Variants in RAB3IP observed in about 807,000 individuals in gnomAD.
The protein encoded by RAB3IP is rab-3A-interacting protein.
A neutral mutation model predicts 59.1 loss-of-function variants in RAB3IP; 36 were observed. The ratio of observed to expected loss-of-function variants is 0.61; its 90% CI spans 0.47 to 0.80. The LOEUF is 0.80. Ranked by LOEUF, RAB3IP falls within the 30% of genes least tolerant of loss-of-function variation. RAB3IP has a pLI of 0.00. For missense variants in RAB3IP, 511 were observed against 536.0 expected, an observed-to-expected ratio of 0.95 and a Z score of 0.46; for synonymous variants, 207 against 191.2, an observed-to-expected ratio of 1.08 and a Z score of -0.68.
Position 69,755,536 on chromosome 12 carries a change from C to G in RAB3IP, c.128C>G (p.Pro43Arg), listed in dbSNP as rs1171464122. ...QTTSPSVIYR[P>R]HPSALSSVPI... is the part of the protein sequence containing the mutation. ...ACCTCACCAAGTGTCATCTACCGGC[C>G]ACACCCTTCAGCTTTATCCTCTGTA... Residue 43 changes from proline (P) to arginine (R), a missense_variant, in exon 2 of 11, where the codon CCA becomes CGA. Pro to Arg is a moderately radical substitution (Grantham distance 103). Transcript: ENST00000247833. The G allele has an allele frequency of 6.2e-7, 1 of 1,614,070 alleles. No individual in the cohort carries two copies. The highest frequency in any genetic ancestry group is 8.5e-7 in the Non-Finnish European group (1 of 1,180,006).
intron 1 of RAB3IP, among the ~76,000 whole-genome samples, chr12:69,742,701 A>G (rs1887465572): frequency 1.3e-5 from 2 of 152,232 alleles, no homozygotes; most frequent in Admixed American, 6.5e-5. Context: ...TGAAATGAAC[A>G]TTGAGAAATG....
chr12:69,756,300 T>C (rs970311300), intron 2 of RAB3IP, 105 bp from the exon 3 acceptor site: 84 of 1,163,636 alleles, frequency 7.2e-5, no homozygotes, highest in African/African-American at 1.7e-4. Flanking sequence ...TATTTAAATA[T>C]AGAAGCTACC....
chr12:69,814,809 C>A (rs1040967700), intron 10 of RAB3IP, among the ~76,000 whole-genome samples: 1 of 152,122 alleles, frequency 6.6e-6, no homozygotes, highest in African/African-American at 2.4e-5. Context: ...TGGGAACTTA[C>A]AAAAGTATAG....
At chr12:69,771,527 CAAA>C (rs34718968) in intron 3 of RAB3IP, among the ~76,000 whole-genome samples, 2 of 135,442 alleles carry the variant, frequency 1.5e-5, no homozygotes, top group Non-Finnish European at 3.2e-5. Flanking sequence ...ACCCTGTCTC[CAAA>C]AAAAAAAAAA....
chr12:69,790,408 T>A lies in RAB3IP; in HGVS notation c.607-4029T>A, dbSNP rs564963664. Among the ~76,000 whole-genome samples, 8 of 151,956 alleles carry A rather than the reference T, an allele frequency of 5.3e-5. No individual in the cohort carries two copies. In the South Asian group the frequency reaches 1.7e-3, roughly 32 times the overall value. On this transcript the variant is annotated intron_variant, in intron 4 of 10. Coordinates refer to ENST00000247833, the MANE Select transcript of RAB3IP (RefSeq NM_022456.5). ...ATTATAATACAGTTAATGAAGGGAA[T>A]TAAGACACAGATGGAAAGAGATTTG...
At chr12:69,748,211 T>G (rs935532240) in intron 1 of RAB3IP, among the ~76,000 whole-genome samples, 1 of 152,134 alleles carries the variant, frequency 6.6e-6, no homozygotes, top group African/African-American at 2.4e-5. Flanking sequence ...GTTGCTAGAT[T>G]TCATTTAAAA....
intron 8 of RAB3IP, among the ~76,000 whole-genome samples, chr12:69,809,909 T>G (rs1880137119): frequency 6.6e-6 from 1 of 152,244 alleles, no homozygotes; most frequent in East Asian, 1.9e-4. Flanking sequence ...GTCAAAGTCA[T>G]TCTCCATCCA....
At chr12:69,745,240 C>A (rs1411454430) in intron 1 of RAB3IP, among the ~76,000 whole-genome samples, 1 of 152,122 alleles carries the variant, frequency 6.6e-6, no homozygotes, top group African/African-American at 2.4e-5. Flanking sequence ...CAGTTAACTG[C>A]AGTACTTTTA....
At position 69,820,028 on chromosome 12, in the gene RAB3IP, C is replaced by A. The variant is rs530279162; in HGVS notation, c.*4582C>A. ...TTACTCCCATCGCCACCACAAGAAT[C>A]CTGTGTGTTTTTGTTTTGTGCATCC... is the stretch of plus-strand genomic sequence containing the variant. On this transcript the variant is annotated 3_prime_UTR_variant, in exon 11 of 11. Transcript: ENST00000247833. The A allele has an allele frequency of 6.6e-6, 1 of 152,216 alleles. No homozygotes were observed. Among genetic ancestry groups the A allele is most frequent in the Non-Finnish European group, 1.5e-5 (1 of 68,042 alleles). The allele number at this position is 152,216 out of a possible 1,614,324, so 9.4% of individuals were successfully genotyped here.
intron 6 of RAB3IP, among the ~76,000 whole-genome samples, chr12:69,796,873 A>C (rs566650992): frequency 1.1e-4 from 17 of 152,342 alleles, no homozygotes; most frequent in African/African-American, 4.1e-4. Context: ...ACAAAATTAT[A>C]AGTGTCTTCT....
At position 69,819,995 on chromosome 12, in the gene RAB3IP, G is replaced by C. The variant is rs10732755; in HGVS notation, c.*4549G>C. 0.99 allele frequency: 151,071 copies of C among 152,356 alleles called. 74,912 individuals are homozygous for C. The highest frequency in any genetic ancestry group is 1 in the Middle Eastern group (294 of 294). The allele number at this position is 152,356 out of a possible 1,614,324, so 9.4% of individuals were successfully genotyped here. On this transcript the variant is annotated 3_prime_UTR_variant, in exon 11 of 11. Transcript: ENST00000247833. ...CTTAAAATAACTTGCAACCTGTTAC[G>C]TCTTCACTTACTCCCATCGCCACCA...
rs1881685485 is a variant in RAB3IP at position 69,821,012 on chromosome 12, A to G, written c.*5566A>G. ...AGAAGAGGACTAAACTTGATAAAAT[A>G]TTAAAAGAATTGAAACCCTTCCTAA... On this transcript the variant is annotated 3_prime_UTR_variant, in exon 11 of 11. Coordinates refer to ENST00000247833, the MANE Select transcript of RAB3IP (RefSeq NM_022456.5). 2 of 152,198 alleles carry G rather than the reference A, an allele frequency of 1.3e-5. No homozygotes were observed. The highest frequency in any genetic ancestry group is 4.8e-5 in the African/African-American group (2 of 41,454). 9.4% of individuals were successfully genotyped at this position (152,198 alleles called of 1,614,324 possible). A position where few individuals can be genotyped will look rare whatever the true frequency, so the allele number is the denominator to read the frequency against.
chr12:69,810,500 C>G (rs112666048), intron 8 of RAB3IP, among the ~76,000 whole-genome samples: 4 of 152,258 alleles, frequency 2.6e-5, no homozygotes, highest in African/African-American at 9.6e-5. Context: ...TGTTCCTATT[C>G]GGCCATCTTG....
chr12:69,792,161 A>G (rs566050351), intron 4 of RAB3IP, among the ~76,000 whole-genome samples: 2 of 152,264 alleles, frequency 1.3e-5, no homozygotes, highest in Admixed American at 6.5e-5. Flanking sequence ...GGAAAGTGGG[A>G]GAAACGGGAG....
chr12:69,745,259 GT>G (rs1283436675), intron 1 of RAB3IP, among the ~76,000 whole-genome samples: 3 of 151,874 alleles, frequency 2.0e-5, no homozygotes, highest in Non-Finnish European at 4.4e-5. Context: ...TACAAACTTT[GT>G]TCTTTATTTA....
chr12:69,794,830 T>C (rs11177855), intron 5 of RAB3IP, among the ~76,000 whole-genome samples: 19,857 of 152,074 alleles, frequency 0.13, 1,861 homozygotes, highest in East Asian at 0.4. Flanking sequence ...GTTATTAGAT[T>C]TTACTGTTTT....
At chr12:69,742,994 T>A (rs1434770094) in intron 1 of RAB3IP, among the ~76,000 whole-genome samples, 2 of 152,232 alleles carry the variant, frequency 1.3e-5, no homozygotes, top group African/African-American at 4.8e-5. Context: ...AAAGATTTGA[T>A]GCTTGTCGTT....
chr12:69,822,720 C>G lies in RAB3IP; in HGVS notation c.*7274C>G, dbSNP rs369346302. The stretch of plus-strand genomic sequence containing the variant: ...ATAAATGTTTGAGGTGATGGATACC[C>G]CAATTACCCTGATTTGATCATTATA... On this transcript the variant is annotated 3_prime_UTR_variant, in exon 11 of 11. Coordinates refer to ENST00000247833, the MANE Select transcript of RAB3IP (RefSeq NM_022456.5). The G allele has an allele frequency of 2.0e-5, 3 of 152,046 alleles. No homozygotes were observed. Among genetic ancestry groups the G allele is most frequent in the East Asian group, 3.8e-4 (2 of 5,196 alleles). The allele number at this position is 152,046 out of a possible 1,614,324, so 9.4% of individuals were successfully genotyped here.
chr12:69,739,601 G>A, intron 1 of RAB3IP: 1 of 585,022 alleles, frequency 1.7e-6, no homozygotes, highest in South Asian at 2.0e-5. Flanking sequence ...GGTCACCCTC[G>A]GGAGGTTTCG....
Sources: gnomAD v4.1 joint callset for allele counts (sites outside exome capture counted in the v4.1 genomes callset) on GRCh38, gnomAD v4.1.1 for gene constraint, MANE v1.5 for transcripts, NCBI Gene and HGNC (gene_info 2026-07-23, HGNC 2026-07-21) for gene names.